The following DICER1 variants were observed in gnomAD, a reference collection of about 807,000 sequenced individuals.
DICER1 encodes the protein dicer 1, ribonuclease III, also known as endoribonuclease Dicer.
Under a neutral mutation model 194.1 loss-of-function variants are expected in DICER1, and 43 were observed. The ratio of observed to expected loss-of-function variants is 0.22; its 90% CI spans 0.17 to 0.29. The LOEUF (loss-of-function observed/expected upper bound fraction) is 0.29, where lower values mean the gene tolerates loss of function less well. DICER1 is among the 10% of genes least tolerant of loss of function. DICER1 has a pLI of 1.00. For synonymous variants in DICER1, 832 were observed against 820.5 expected (o/e 1.01, Z -0.24); for missense variants, 1,608 against 2,317.0 (o/e 0.69, Z 6.28).
rs754838493 is a variant in DICER1 at position 95,091,369 on chromosome 14, T to A, written c.5365-4A>T. The A allele has an allele frequency of 6.2e-7, 1 of 1,614,032 alleles. No individual in the cohort carries two copies. Among genetic ancestry groups the A allele is most frequent in the South Asian group, 1.1e-5 (1 of 91,078 alleles). ...CATCCTCCTCAGATCTCCTAAGCTA[T>A]TACAGAGGGAAAAGTGACTTGTAAG... On this transcript the variant is annotated splice_polypyrimidine_tract_variant and splice_region_variant and intron_variant, in intron 24 of 26. Coordinates refer to ENST00000343455, the MANE Select transcript of DICER1 (RefSeq NM_177438.3).
chr14:95,130,071 C>T lies in DICER1; in HGVS notation c.560G>A (p.Arg187Gln), dbSNP rs775207591. 12 of 1,613,234 alleles carry T rather than the reference C, an allele frequency of 7.4e-6. No homozygotes were observed. Among genetic ancestry groups the T allele is most frequent in the Admixed American group, 3.3e-5 (2 of 59,998 alleles). ...TCTAAAACTTACCTTCATAATTTCTCGATAGGGGTGGTCTAGGATTGCAAG... is the reference window on the plus strand; with the variant it reads ...TCTAAAACTTACCTTCATAATTTCTTGATAGGGGTGGTCTAGGATTGCAAG... ...CHLAILDHPY[R>Q]EIMKLCENCP... The change falls in exon 5 of 27, where the codon CGA (arginine) becomes CAA (glutamine). Residue 187 changes from arginine (R) to glutamine (Q), a missense_variant. By Grantham distance (43) the Arg-to-Gln change is conservative. Around this residue, in one of 10 missense-constraint regions of DICER1, gnomAD observed 657 missense variants for 910.1 expected, o/e 0.72. Transcript: ENST00000343455.
intron 9 of DICER1, among the ~76,000 whole-genome samples, chr14:95,117,338 C>T (rs577666286): frequency 4.6e-5 from 7 of 152,120 alleles, no homozygotes; most frequent in Non-Finnish European, 7.4e-5. Flanking sequence ...TTTGTCTTTC[C>T]ATGAAATGCA....
rs2139954274 is a variant in DICER1 at position 95,103,384 on chromosome 14, C to A, written c.4012G>T (p.Ala1338Ser). 6.2e-7 allele frequency: 1 copy of A among 1,614,200 alleles called. No homozygotes were observed. Among genetic ancestry groups the A allele is most frequent in the Non-Finnish European group, 8.5e-7 (1 of 1,180,038 alleles). Residue 1338 changes from alanine to serine, a missense_variant, in exon 21 of 27, where the codon GCG becomes TCG. Ala to Ser is a moderately conservative substitution (Grantham distance 99). This residue lies in a region of DICER1 where 58 missense variants were observed against 125.7 expected (regional missense o/e 0.46). Coordinates refer to ENST00000343455, the MANE Select transcript of DICER1 (RefSeq NM_177438.3). ...ATATATGAAAGGCGGCCCTCATGCG[C>A]ATCAGGGTAAGTGCAAAATAGATAT... The part of the protein sequence containing the change: ...TTYLFCTYPD[A>S]HEGRLSYMRS...
At position 95,118,271 on chromosome 14, in the gene DICER1, C is replaced by A. The variant is rs560401885; in HGVS notation, c.1377-517G>T. On this transcript the variant is annotated intron_variant, in intron 8 of 26. Coordinates refer to ENST00000343455, the MANE Select transcript of DICER1 (RefSeq NM_177438.3). ...TGAGCCCAACACCAAAGGAAACCTT[C>A]ACCCCCAACAAATGTAACAAGAGTT... 5.9e-5 allele frequency among the ~76,000 whole-genome samples: 9 copies of A among 152,346 alleles called. No individual in the cohort carries two copies. The South Asian group carries it at 1.9e-3, about 32-fold the overall frequency.
chr14:95,113,711 T>C (rs180987674), intron 11 of DICER1, among the ~76,000 whole-genome samples: 82 of 152,184 alleles, frequency 5.4e-4, no homozygotes, highest in Admixed American at 1.4e-3. Flanking sequence ...AAAAGGACAG[T>C]AGAACTAGCA....
In DICER1 at chr14:95,124,172, A is replaced by G; in HGVS notation, c.1376+24T>C. On this transcript the variant is annotated intron_variant, in intron 8 of 26. Coordinates refer to ENST00000343455, the MANE Select transcript of DICER1 (RefSeq NM_177438.3). The surrounding 1 kb of genome is among the most constrained non-coding windows in gnomAD (Gnocchi z 4.5). Reference sequence around the variant, plus strand: ...CAGGACGCCTCCCTGTTCTCATGTGAAAGGAGTCAACTTACAGATTTACCT... The same window carrying G: ...CAGGACGCCTCCCTGTTCTCATGTGGAAGGAGTCAACTTACAGATTTACCT... The G allele has an allele frequency of 6.4e-7, 1 of 1,566,560 alleles. No individual in the cohort carries two copies. Among genetic ancestry groups the G allele is most frequent in the Non-Finnish European group, 8.8e-7 (1 of 1,138,512 alleles).
At chr14:95,100,011 C>T in intron 21 of DICER1, 76 bp from the exon 22 acceptor site, 2 of 1,507,644 alleles carry the variant, frequency 1.3e-6, no homozygotes, top group South Asian at 1.1e-5. Context: ...TTAACATATC[C>T]TCAGTTAAAT....
intron 6 of DICER1, 197 bp downstream of exon 6, chr14:95,129,275 C>T (rs1893740770): frequency 1.8e-6 from 1 of 562,730 alleles, no homozygotes; most frequent in African/African-American, 1.9e-5. Flanking sequence ...CTGTCTGCTA[C>T]TCTCTGTGGA....
In DICER1 at chr14:95,096,704, A is replaced by G. The variant is rs1356179383; in HGVS notation, c.4216T>C (p.Cys1406Arg). ...TCCAGTTTGCCATTCGCCAGCATGCAGTCTTTTGTCTGAAACGAGGGGGAA... is the reference window on the plus strand; with the variant it reads ...TCCAGTTTGCCATTCGCCAGCATGCGGTCTTTTGTCTGAAACGAGGGGGAA... ...KWEKDEMTKDCMLANGKLDED... is the reference protein window; with the variant it reads ...KWEKDEMTKDRMLANGKLDED... The change falls in exon 23 of 27, where the codon TGC becomes CGC. Residue 1406 changes from cysteine to arginine, a missense_variant. By Grantham distance (180) the Cys-to-Arg change is radical. This residue lies in a region of DICER1 where 164 missense variants were observed against 183.7 expected (regional missense o/e 0.89). Transcript: ENST00000343455. 1 of 1,608,148 alleles carries G rather than the reference A, an allele frequency of 6.2e-7. No individual in the cohort carries two copies. Among genetic ancestry groups the G allele is most frequent in the East Asian group, 2.2e-5 (1 of 44,500 alleles).
In DICER1 at chr14:95,099,455, T is replaced by G. The variant is rs532131358; in HGVS notation, c.4206+325A>C. Among the ~76,000 whole-genome samples, 20 of 152,150 alleles carry G rather than the reference T, an allele frequency of 1.3e-4. No homozygotes were observed. The South Asian group carries it at 4.1e-3, about 32-fold the overall frequency. ...AACAGAGCTAAGGATCTAGGATAAA[T>G]TGTAATAACAGCAAAGTGAAATTTT... is the stretch of plus-strand genomic sequence containing the variant. On this transcript the variant is annotated intron_variant, in intron 22 of 26. Coordinates refer to ENST00000343455, the MANE Select transcript of DICER1 (RefSeq NM_177438.3).
chr14:95,093,191 A>C (rs1416065872), intron 24 of DICER1, among the ~76,000 whole-genome samples: 1 of 152,256 alleles, frequency 6.6e-6, no homozygotes, highest in Non-Finnish European at 1.5e-5. Context: ...ATCTACAAAA[A>C]TAAGAAAATC....
chr14:95,105,030 C>T lies in DICER1; in HGVS notation c.3269+41G>A, dbSNP rs747313024. ...AATTCTGTTCTTTTGCAAACAGGAT[C>T]TCATGATCTGTGTTCTTTCTGGCTG... On this transcript the variant is annotated intron_variant, in intron 20 of 26. Coordinates refer to ENST00000343455, the MANE Select transcript of DICER1 (RefSeq NM_177438.3). This position sits in a 1 kb window ranked among gnomAD's most constrained non-coding sequence, Gnocchi z 4.9. The T allele has an allele frequency of 1.3e-6, 2 of 1,591,338 alleles. No individual in the cohort carries two copies. Among genetic ancestry groups the T allele is most frequent in the African/African-American group, 2.7e-5 (2 of 74,418 alleles).
intron 24 of DICER1, 104 bp downstream of exon 24, chr14:95,093,784 T>C: frequency 7.9e-7 from 1 of 1,273,844 alleles, no homozygotes; most frequent in Non-Finnish European, 1.1e-6. Flanking sequence ...CCCACACCCC[T>C]GACCTCCTGC....
Position 95,151,872 on chromosome 14 carries a change from GGACTAAATAC to G in DICER1, c.-46+5348_-46+5357del, listed in dbSNP as rs1213026526. Among the ~76,000 whole-genome samples the G allele has an allele frequency of 6.6e-5, 10 of 152,234 alleles. No homozygotes were observed. The East Asian group carries it at 1.2e-3, about 18-fold the overall frequency. Reference sequence around the variant, plus strand: ...TCCTGCAATCTCGAAACATCTCAGAGGACTAAATACGACTAAATACGACTACTACCTTTCT... The same window carrying G: ...TCCTGCAATCTCGAAACATCTCAGAGGACTAAATACGACTACTACCTTTCT... On this transcript the variant is annotated intron_variant, in intron 1 of 26. Transcript: ENST00000343455.
intron 1 of DICER1, among the ~76,000 whole-genome samples, 165 bp downstream of exon 1, chr14:95,157,065 A>C (rs1420920889): frequency 1.3e-5 from 2 of 151,618 alleles, no homozygotes; most frequent in East Asian, 3.9e-4. Context: ...GCTGTGCGGG[A>C]CGACGAGGCA....
intron 21 of DICER1, among the ~76,000 whole-genome samples, chr14:95,102,870 G>A (rs531363911): frequency 6.6e-6 from 1 of 152,140 alleles, no homozygotes; most frequent in South Asian, 2.1e-4. Flanking sequence ...ACTCTTCTCC[G>A]CTCCACTCTC....
In DICER1 at chr14:95,097,631, C is replaced by A. The variant is rs868339332; in HGVS notation, c.4207-918G>T. 4.0e-5 allele frequency among the ~76,000 whole-genome samples: 6 copies of A among 151,088 alleles called. No homozygotes were observed. The South Asian group carries it at 8.3e-4, about 21-fold the overall frequency. On this transcript the variant is annotated intron_variant, in intron 22 of 26. Coordinates refer to ENST00000343455, the MANE Select transcript of DICER1 (RefSeq NM_177438.3). The stretch of plus-strand genomic sequence containing the variant: ...TTCTGTTATGCAAGTTTTTAAAAAA[C>A]CAAAAAACTTGTGAAGGGGGAAGAC...
chr14:95,101,100 C>A (rs140319587), intron 21 of DICER1, among the ~76,000 whole-genome samples: 2 of 152,260 alleles, frequency 1.3e-5, no homozygotes, highest in Non-Finnish European at 2.9e-5. Flanking sequence ...TACGTAAGGT[C>A]TCAAATATGG....
In DICER1 at chr14:95,099,720, A is replaced by T. The variant is rs1294123060; in HGVS notation, c.4206+60T>A. ...AATTATTTGGCTCACCGAAAAGTAA[A>T]TCCCTCCAGTTACACACACACACAC... On this transcript the variant is annotated intron_variant, in intron 22 of 26. Transcript: ENST00000343455. 44 of 1,551,950 alleles carry T rather than the reference A, an allele frequency of 2.8e-5. No individual in the cohort carries two copies. In the East Asian group the frequency reaches 3.4e-4, roughly 12 times the overall value.
Sources: gnomAD v4.1 joint callset for allele counts (sites outside exome capture counted in the v4.1 genomes callset) on GRCh38, gnomAD v4.1.1 for gene constraint, gnomAD v4.1.1 regional missense constraint, Gnocchi (gnomAD v3.1) non-coding constraint, MANE v1.5 for transcripts, NCBI Gene and HGNC (gene_info 2026-07-23, HGNC 2026-07-21) for gene names.